CNTN5: variants seen among roughly 807,000 people sequenced by gnomAD.
The protein encoded by CNTN5 is contactin-5.
In CNTN5, 77 loss-of-function variants were observed where a neutral mutation model predicts 129.1. That is an observed-to-expected ratio of 0.60 (90% CI 0.50 to 0.72). The LOEUF (loss-of-function observed/expected upper bound fraction) is 0.72. Ranked by LOEUF, CNTN5 falls within the 30% of genes least tolerant of loss-of-function variation. The pLI is 0.00. For missense variants in CNTN5, 1,478 were observed against 1,328.8 expected (o/e 1.11, Z -1.75); for synonymous variants, 509 against 465.6 (o/e 1.09, Z -1.20).
intron 3 of CNTN5, among the ~76,000 whole-genome samples, chr11:99,757,691 C>G (rs1340846918): frequency 6.6e-6 from 1 of 151,976 alleles, no homozygotes; most frequent in Non-Finnish European, 1.5e-5. Flanking sequence ...TACTCTCAAC[C>G]CAATACACAA....
intron 2 of CNTN5, among the ~76,000 whole-genome samples, chr11:99,532,070 A>G (rs11220327): frequency 0.24 from 36,917 of 151,748 alleles, 4,976 homozygotes; most frequent in Non-Finnish European, 0.31. Context: ...TGGAAAAGCC[A>G]CAGACAGTCA....
chr11:100,260,907 AC>A, intron 17 of CNTN5, among the ~76,000 whole-genome samples: 1 of 152,282 alleles, frequency 6.6e-6, no homozygotes, highest in African/African-American at 2.4e-5. Flanking sequence ...GCCCTCCATC[AC>A]CATTTCTATT....
intron 2 of CNTN5, among the ~76,000 whole-genome samples, chr11:99,418,698 A>C (rs1413340551): frequency 2.0e-5 from 3 of 152,154 alleles, no homozygotes; most frequent in African/African-American, 7.2e-5. Context: ...CATGGCTCTA[A>C]TGTAATTGAC....
intron 13 of CNTN5, among the ~76,000 whole-genome samples, chr11:100,088,297 C>T (rs1732913275): frequency 1.3e-5 from 2 of 151,828 alleles, no homozygotes; most frequent in African/African-American, 4.8e-5. Context: ...TGAGAAACAT[C>T]TCTAACAATC....
chr11:99,535,624 C>G (rs1292505131), intron 2 of CNTN5, among the ~76,000 whole-genome samples: 1 of 152,088 alleles, frequency 6.6e-6, no homozygotes, highest in Non-Finnish European at 1.5e-5. Context: ...TACAGCGAGG[C>G]TGAAAACTAC....
intron 3 of CNTN5, among the ~76,000 whole-genome samples, chr11:99,577,935 G>A (rs992067715): frequency 1.5e-4 from 23 of 150,896 alleles, no homozygotes; most frequent in African/African-American, 5.6e-4. Context: ...CCATTAACTC[G>A]TCGTTTAGCA....
At chr11:100,005,172 A>T (rs545921972) in intron 9 of CNTN5, among the ~76,000 whole-genome samples, 6 of 152,292 alleles carry the variant, frequency 3.9e-5, no homozygotes, top group Admixed American at 2.6e-4. Flanking sequence ...AATAGGAATG[A>T]ATGAACTTAA....
intron 1 of CNTN5, among the ~76,000 whole-genome samples, chr11:99,180,165 G>GAT (rs1374981737): frequency 6.6e-6 from 1 of 152,086 alleles, no homozygotes; most frequent in African/African-American, 2.4e-5. Flanking sequence ...ATGAGCAAAT[G>GAT]ATATAATAAG....
chr11:100,210,992 G>A (rs1949019664), intron 15 of CNTN5, among the ~76,000 whole-genome samples: 1 of 152,056 alleles, frequency 6.6e-6, no homozygotes, highest in African/African-American at 2.4e-5. Context: ...GCTAGATTAA[G>A]CCAAAAATAA....
chr11:99,548,336 T>C (rs368145507), intron 2 of CNTN5, among the ~76,000 whole-genome samples: 9 of 152,206 alleles, frequency 5.9e-5, no homozygotes, highest in African/African-American at 1.9e-4. Context: ...GCACTCAAAA[T>C]TGAAAGAGGT....
intron 1 of CNTN5, among the ~76,000 whole-genome samples, chr11:99,269,252 A>C (rs1863056369): frequency 6.6e-6 from 1 of 151,772 alleles, no homozygotes; most frequent in Non-Finnish European, 1.5e-5. Flanking sequence ...AAATAGAAGG[A>C]TTAATTATTA....
chr11:99,788,923 T>G (rs2135424733), intron 3 of CNTN5, among the ~76,000 whole-genome samples: 1 of 152,030 alleles, frequency 6.6e-6, no homozygotes. Context: ...GTTAGCTGAC[T>G]TTCTGAAAAA....
chr11:100,290,979 T>A (rs1489452762), intron 18 of CNTN5, among the ~76,000 whole-genome samples: 5 of 151,530 alleles, frequency 3.3e-5, no homozygotes, highest in Non-Finnish European at 5.9e-5. Context: ...AAAGAAGACA[T>A]TTATGCAGCC....
intron 1 of CNTN5, among the ~76,000 whole-genome samples, chr11:99,086,672 A>G (rs1357710097): frequency 1.3e-5 from 2 of 152,328 alleles, no homozygotes; most frequent in African/African-American, 4.8e-5. Context: ...TACTTTAACC[A>G]AGAATATAAA....
chr11:99,896,887 C>T (rs991318237), intron 6 of CNTN5, among the ~76,000 whole-genome samples: 3 of 152,036 alleles, frequency 2.0e-5, no homozygotes, highest in Admixed American at 6.6e-5. Context: ...AAGCTTTGAC[C>T]CAGAGCCCTG....
intron 8 of CNTN5, among the ~76,000 whole-genome samples, chr11:99,973,916 T>C (rs935383454): frequency 6.6e-6 from 1 of 152,230 alleles, no homozygotes; most frequent in African/African-American, 2.4e-5. Flanking sequence ...CTGAGCCTCA[T>C]ATATTCAAAT....
intron 3 of CNTN5, among the ~76,000 whole-genome samples, chr11:99,785,034 C>T (rs1051962075): frequency 2.0e-5 from 3 of 150,120 alleles, no homozygotes; most frequent in Non-Finnish European, 3.0e-5. Context: ...CTCCTGACCT[C>T]GTGATCCGCC....
intron 3 of CNTN5, among the ~76,000 whole-genome samples, chr11:99,661,236 T>A (rs1013053341): frequency 6.6e-6 from 1 of 152,170 alleles, no homozygotes; most frequent in African/African-American, 2.4e-5. Context: ...TATGTGCTCA[T>A]CTACAGCACA....
intron 1 of CNTN5, among the ~76,000 whole-genome samples, chr11:99,208,614 A>T (rs1407765752): frequency 6.6e-6 from 1 of 152,124 alleles, no homozygotes; most frequent in Non-Finnish European, 1.5e-5. Context: ...TTCCCAATTT[A>T]TCTTTATTTT....
Sources: allele counts gnomAD v4.1 joint callset (sites outside exome capture counted in the v4.1 genomes callset), GRCh38; gene constraint gnomAD v4.1.1; transcripts MANE v1.5; gene names NCBI Gene and HGNC (gene_info 2026-07-23, HGNC 2026-07-21).